The following MTRF1 variants were observed in gnomAD, a reference collection of about 807,000 sequenced individuals.
MTRF1 encodes peptide chain release factor 1, mitochondrial.
MTRF1 carries 51 observed loss-of-function variants against 62.9 expected under a neutral mutation model. That is an observed-to-expected ratio of 0.81 (90% CI 0.65 to 1.02). The LOEUF (loss-of-function observed/expected upper bound fraction) is 1.02, where lower values mean the gene tolerates loss of function less well. Ranked by LOEUF, MTRF1 falls within the 50% of genes least tolerant of loss-of-function variation. The pLI is 0.00. For missense variants in MTRF1, 446 were observed against 530.0 expected (o/e 0.84, Z 1.56); for synonymous variants, 158 against 181.9 (o/e 0.87, Z 1.06).
chr13:41,309,638 A>C, the MTRF1 span, among the ~76,000 whole-genome samples: 11 of 152,228 alleles, frequency 7.2e-5, no homozygotes, highest in African/African-American at 2.4e-4. Flanking sequence ...GAAACGTAGG[A>C]GATTGAAAGA....
chr13:41,219,077 G>A (rs755367102), intron 9 of MTRF1, among the ~76,000 whole-genome samples: 9 of 147,588 alleles, frequency 6.1e-5, no homozygotes, highest in Non-Finnish European at 1.1e-4. Flanking sequence ...GATCACCTGA[G>A]GTCAGGAGAT....
At chr13:41,311,781 T>C in the MTRF1 span, among the ~76,000 whole-genome samples, 6 of 152,166 alleles carry the variant, frequency 3.9e-5, no homozygotes, top group African/African-American at 1.4e-4. Context: ...CTCCGTGCGC[T>C]TCCTTTCCGC....
chr13:41,267,571 T>TA (rs1376569623), upstream of MTRF1, among the ~76,000 whole-genome samples: 1 of 152,130 alleles, frequency 6.6e-6, no homozygotes, highest in Non-Finnish European at 1.5e-5. Flanking sequence ...TTTTCTAAAG[T>TA]AAAAAAGTGA....
At chr13:41,229,681 C>T (rs1367051097) in intron 7 of MTRF1, 1 of 152,156 alleles carries the variant, frequency 6.6e-6, no homozygotes, top group Non-Finnish European at 1.5e-5. Context: ...TCATCTTAAG[C>T]TAATTATTAC....
chr13:41,252,926 A>T, intron 4 of MTRF1, 23 bp downstream of exon 4: 1 of 1,539,428 alleles, frequency 6.5e-7, no homozygotes, highest in South Asian at 1.2e-5. Context: ...AGATCATTTA[A>T]ATAATAAAGT....
chr13:41,279,713 G>T, the MTRF1 span, among the ~76,000 whole-genome samples: 36 of 152,108 alleles, frequency 2.4e-4, no homozygotes, highest in South Asian at 7.3e-3. Flanking sequence ...ATATTTCCTT[G>T]CCATACCTTG....
chr13:41,263,218 T>C (rs1208213730), intron 1 of MTRF1: 1 of 1,260,324 alleles, frequency 7.9e-7, no homozygotes, highest in East Asian at 5.6e-5. Flanking sequence ...GTCATGAATC[T>C]CAACATTAAG....
At chr13:41,247,730 T>C (rs562782900) in intron 5 of MTRF1, among the ~76,000 whole-genome samples, 5 of 152,344 alleles carry the variant, frequency 3.3e-5, no homozygotes, top group African/African-American at 1.2e-4. Context: ...TAATAGCCTT[T>C]GCTCCATAGG....
Position 41,223,316 on chromosome 13 carries a change from A to C in MTRF1, c.1164T>G (p.Tyr388Ter). ...TRAQSERIRTYNFTQDRVSDH... is the reference protein window; with the variant it reads ...TRAQSERIRT ...CACTGACTCTATCCTGGGTGAAATT[A>C]TATGTCCGAATTCGCTCTGACTGGG... The change falls in exon 9 of 10, where the codon TAT becomes TAG. Residue 388 changes from tyrosine to a stop codon, truncating the protein, a stop_gained. Transcript: ENST00000379480. LOFTEE classifies it high-confidence loss of function. The C allele has an allele frequency of 6.2e-7, 1 of 1,614,076 alleles. No homozygotes were observed. The highest frequency in any genetic ancestry group is 8.5e-7 in the Non-Finnish European group (1 of 1,179,972).
At chr13:41,272,185 C>T in the MTRF1 span, among the ~76,000 whole-genome samples, 1 of 152,166 alleles carries the variant, frequency 6.6e-6, no homozygotes, top group Non-Finnish European at 1.5e-5. Flanking sequence ...ACTCTTGAAA[C>T]TTTACAAAGA....
intron 5 of MTRF1, among the ~76,000 whole-genome samples, chr13:41,241,466 C>A (rs376928193): frequency 6.6e-6 from 1 of 152,120 alleles, no homozygotes; most frequent in Non-Finnish European, 1.5e-5. Flanking sequence ...AGAAAAAGAA[C>A]GGTGCTAGTC....
chr13:41,221,380 C>T (rs1418850068), intron 9 of MTRF1, among the ~76,000 whole-genome samples: 2 of 152,126 alleles, frequency 1.3e-5, no homozygotes, highest in African/African-American at 4.8e-5. Context: ...AGGATGGTCT[C>T]GATTCCTGAC....
chr13:41,256,843 GAACCT>G (rs747172778), intron 2 of MTRF1, among the ~76,000 whole-genome samples: 1 of 152,190 alleles, frequency 6.6e-6, no homozygotes, highest in Non-Finnish European at 1.5e-5. Flanking sequence ...AAAGATTTGA[GAACCT>G]ATTATGTCCC....
chr13:41,223,244 CAGT>C lies in MTRF1; in HGVS notation c.1224+9_1224+11del. 1 of 1,577,360 alleles carries C rather than the reference CAGT, an allele frequency of 6.3e-7. No individual in the cohort carries two copies. ...AAATCAAAGGTAGGCAAAGCATACT[CAGT>C]AGTATTACCTTAATATCACGAACTT... On this transcript the variant is annotated intron_variant, in intron 9 of 9. Transcript: ENST00000379480.
rs369534048 is a variant in MTRF1 at position 41,254,659 on chromosome 13, A to G, written c.416-39T>C. The G allele has an allele frequency of 1.4e-5, 21 of 1,500,188 alleles. No individual in the cohort carries two copies. The East Asian group carries it at 4.1e-4, about 29-fold the overall frequency. The allele number at this position is 1,500,188 out of a possible 1,614,324, so 92.9% of individuals were successfully genotyped here. A position where few individuals can be genotyped will look rare whatever the true frequency, so the allele number is the denominator to read the frequency against. On this transcript the variant is annotated intron_variant, in intron 2 of 9. Coordinates refer to ENST00000379480, the MANE Select transcript of MTRF1 (RefSeq NM_004294.4). Reference sequence around the variant, plus strand: ...ACAGAAATAATGATAAAGTTTTTAAATACTTACAGAGAAACTCCTAAGTAG... The same window carrying G: ...ACAGAAATAATGATAAAGTTTTTAAGTACTTACAGAGAAACTCCTAAGTAG...
At chr13:41,245,482 G>A (rs959029693) in intron 5 of MTRF1, among the ~76,000 whole-genome samples, 6 of 151,992 alleles carry the variant, frequency 3.9e-5, no homozygotes, top group Admixed American at 1.3e-4. Flanking sequence ...GGGCTCAAGC[G>A]ATCCTCCCAC....
chr13:41,236,642 T>C (rs534392886), intron 6 of MTRF1: 1 of 152,312 alleles, frequency 6.6e-6, no homozygotes, highest in African/African-American at 2.4e-5. Flanking sequence ...TGTTAATATA[T>C]GTTAGAGTTG....
At chr13:41,299,628 T>G in the MTRF1 span, among the ~76,000 whole-genome samples, 1 of 152,234 alleles carries the variant, frequency 6.6e-6, no homozygotes, top group African/African-American at 2.4e-5. Flanking sequence ...AAGACTTTCC[T>G]TTTGAATGGC....
At chr13:41,256,825 A>G (rs1015584923) in intron 2 of MTRF1, among the ~76,000 whole-genome samples, 6 of 152,234 alleles carry the variant, frequency 3.9e-5, no homozygotes, top group Non-Finnish European at 1.5e-5. Context: ...CAATTTTATT[A>G]TATCAACAAA....
Sources: allele counts gnomAD v4.1 joint callset (sites outside exome capture counted in the v4.1 genomes callset), GRCh38; gene constraint gnomAD v4.1.1; transcripts MANE v1.5; gene names NCBI Gene and HGNC (gene_info 2026-07-23, HGNC 2026-07-21).